The following TET3 variants were observed in gnomAD, a reference collection of about 807,000 sequenced individuals.
The protein encoded by TET3 is methylcytosine dioxygenase TET3.
TET3 carries 19 observed loss-of-function variants against 141.4 expected under a neutral mutation model. The ratio of observed to expected loss-of-function variants is 0.13; its 90% CI spans 0.09 to 0.20. The LOEUF (loss-of-function observed/expected upper bound fraction) is 0.20. TET3 is among the 10% of genes least tolerant of loss of function. TET3 has a pLI of 1.00. For missense variants in TET3, 1,874 were observed against 2,356.9 expected, an observed-to-expected ratio of 0.80 and a Z score of 4.24; for synonymous variants, 1,043 against 980.9, an observed-to-expected ratio of 1.06 and a Z score of -1.18.
Position 74,046,179 on chromosome 2 carries a change from T to G in TET3, c.361-99T>G. 1 of 1,093,012 alleles carries G rather than the reference T, an allele frequency of 9.1e-7. No homozygotes were observed. Among genetic ancestry groups the G allele is most frequent in the East Asian group, 2.8e-5 (1 of 35,160 alleles). The allele number at this position is 1,093,012 out of a possible 1,614,324, so 67.7% of individuals were successfully genotyped here. On this transcript the variant is annotated intron_variant, in intron 3 of 11. Transcript: ENST00000409262. This position sits in a 1 kb window ranked among gnomAD's most constrained non-coding sequence, Gnocchi z 4.3. ...CCAGAGAGAGGATTTGCAAGAAAAG[T>G]TGGGGTCAGATGTGCACCTGAGTGG...
chr2:73,998,821 T>C (rs961963573), intron 2 of TET3, among the ~76,000 whole-genome samples: 1 of 151,906 alleles, frequency 6.6e-6, no homozygotes, highest in Non-Finnish European at 1.5e-5. Flanking sequence ...CAGGATCCTT[T>C]GTGTGATGAA....
At chr2:74,134,733 C>T in the TET3 span, 1 of 456,750 alleles carries the variant, frequency 2.2e-6, no homozygotes, top group Non-Finnish European at 4.4e-6. Flanking sequence ...GACAAGGAAG[C>T]CTCCGTGGCT....
chr2:74,128,807 CCTCAA>C, the TET3 span, among the ~76,000 whole-genome samples: 1 of 150,688 alleles, frequency 6.6e-6, no homozygotes, highest in Non-Finnish European at 1.5e-5. Context: ...CATAGTAAGA[CCTCAA>C]CTCTACAACA....
At position 74,093,470 on chromosome 2, in the gene TET3, C is replaced by A; in HGVS notation, c.3130-59C>A. On this transcript the variant is annotated intron_variant, in intron 9 of 11. Coordinates refer to ENST00000409262, the MANE Select transcript of TET3 (RefSeq NM_001287491.2). This position sits in a 1 kb window ranked among gnomAD's most constrained non-coding sequence, Gnocchi z 4.2. ...TTCCAAGACCTGGCCTCCCCAGGTG[C>A]AGAATCGGGGCCACTCACCTCAGGT... is the stretch of plus-strand genomic sequence containing the variant. 6.7e-7 allele frequency: 1 copy of A among 1,500,858 alleles called. No homozygotes were observed. The highest frequency in any genetic ancestry group is 1.4e-5 in the African/African-American group (1 of 72,138). 93.0% of individuals were successfully genotyped at this position (1,500,858 alleles called of 1,614,324 possible).
chr2:74,002,476 C>T (rs1260531881), intron 2 of TET3, among the ~76,000 whole-genome samples: 1 of 152,088 alleles, frequency 6.6e-6, no homozygotes, highest in Non-Finnish European at 1.5e-5. Context: ...TCGGGGTCCC[C>T]GCGGGAGGAG....
Position 74,047,765 on chromosome 2 carries a change from A to G in TET3, c.1848A>G (p.Glu616=). 6.2e-7 allele frequency: 1 copy of G among 1,613,786 alleles called. No individual in the cohort carries two copies. The highest frequency in any genetic ancestry group is 1.1e-5 in the South Asian group (1 of 91,032). The change falls in exon 4 of 12, where the codon GAA becomes GAG. Residue 616 remains glutamate, a synonymous_variant. Coordinates refer to ENST00000409262, the MANE Select transcript of TET3 (RefSeq NM_001287491.2). The part of the protein sequence containing the change: ...PIQIKKSRPR[E]AQPLFPPVRQ... The stretch of plus-strand genomic sequence containing the variant: ...AGATCAAGAAGTCCAGGCCCCGGGA[A>G]GCACAGCCCCTCTTCCCACCTGTCC...
At position 74,039,132 on chromosome 2, in the gene TET3, A is replaced by G. The variant is rs143179551; in HGVS notation, c.361-7146A>G. Among the ~76,000 whole-genome samples the G allele has an allele frequency of 8.2e-3, 1,254 of 152,284 alleles. 15 individuals carry two copies. Among genetic ancestry groups the G allele is most frequent in the African/African-American group, 0.029 (1,204 of 41,548 alleles). On this transcript the variant is annotated intron_variant, in intron 3 of 11. Transcript: ENST00000409262. ...CCTGAGATGTAAATCTGCTCTCTGT[A>G]GCATTCAGGCTGTGGTCCACACACC...
In TET3 at chr2:74,047,712, A is replaced by T. The variant is rs779106771; in HGVS notation, c.1795A>T (p.Ile599Phe). 1.2e-6 allele frequency: 2 copies of T among 1,613,388 alleles called. No individual in the cohort carries two copies. Among genetic ancestry groups the T allele is most frequent in the Admixed American group, 3.3e-5 (2 of 59,942 alleles). The change falls in exon 4 of 12, where the codon ATC becomes TTC. Residue 599 changes from isoleucine (I) to phenylalanine (F), a missense_variant. Physicochemically the swap from Ile to Phe is conservative, Grantham distance 21. Transcript: ENST00000409262. ...PVGTEKAAPGIKPSVRKPIQI... is the reference protein window; with the variant it reads ...PVGTEKAAPGFKPSVRKPIQI... ...GGGAACGGAGAAAGCTGCCCCTGGG[A>T]TCAAGCCCAGTGTCCGAAAGCCCAT...
chr2:74,064,798 T>A (rs759777060), intron 4 of TET3, among the ~76,000 whole-genome samples: 8 of 152,084 alleles, frequency 5.3e-5, no homozygotes, highest in African/African-American at 1.4e-4. Context: ...ATTGAAAAAA[T>A]TTATTAATAA....
At chr2:74,108,354 G>A (rs915222520), downstream of TET3, among the ~76,000 whole-genome samples, 2 of 152,226 alleles carry the variant, frequency 1.3e-5, no homozygotes, top group Non-Finnish European at 2.9e-5. Context: ...AATGTTCAGA[G>A]GCTATCAGCT....
At chr2:74,054,341 C>T (rs928496427) in intron 4 of TET3, among the ~76,000 whole-genome samples, 3 of 152,082 alleles carry the variant, frequency 2.0e-5, no homozygotes, top group African/African-American at 7.2e-5. Flanking sequence ...ATTAACTGCT[C>T]CAGTGACTGG....
chr2:74,104,712 C>T lies in TET3; in HGVS notation c.*2536C>T, dbSNP rs1691408427. On this transcript the variant is annotated 3_prime_UTR_variant, in exon 12 of 12. Transcript: ENST00000409262. Reference sequence around the variant, plus strand: ...CTGATGTATGTTAAATAAACTCTTCCCCTCATCACCCTTTGGTAGGAAAGC... The same window carrying T: ...CTGATGTATGTTAAATAAACTCTTCTCCTCATCACCCTTTGGTAGGAAAGC... 1.3e-5 allele frequency: 2 copies of T among 153,880 alleles called. No homozygotes were observed. The highest frequency in any genetic ancestry group is 4.8e-5 in the African/African-American group (2 of 41,468). The allele number at this position is 153,880 out of a possible 1,614,324, so 9.5% of individuals were successfully genotyped here.
At chr2:74,055,155 C>T (rs952354394) in intron 4 of TET3, among the ~76,000 whole-genome samples, 2 of 152,164 alleles carry the variant, frequency 1.3e-5, no homozygotes, top group Non-Finnish European at 2.9e-5. Flanking sequence ...CCACCTCGGC[C>T]TCCCAGAATG....
intron 2 of TET3, chr2:74,002,781 C>A: frequency 1.8e-6 from 1 of 564,486 alleles, no homozygotes. Flanking sequence ...CCGGCCGATG[C>A]ACCAGAGGAG....
the TET3 span, among the ~76,000 whole-genome samples, chr2:74,115,244 C>T: frequency 6.6e-6 from 1 of 152,154 alleles, no homozygotes; most frequent in South Asian, 2.1e-4. Context: ...ACAAGGAACT[C>T]AAACATCTCA....
At chr2:74,019,367 G>T (rs542048421) in intron 3 of TET3, among the ~76,000 whole-genome samples, 1 of 152,178 alleles carries the variant, frequency 6.6e-6, no homozygotes, top group African/African-American at 2.4e-5. Flanking sequence ...TTGCTGTTGG[G>T]AATGGGATCT....
At chr2:74,117,065 T>C in the TET3 span, among the ~76,000 whole-genome samples, 2 of 152,128 alleles carry the variant, frequency 1.3e-5, no homozygotes, top group Non-Finnish European at 2.9e-5. Flanking sequence ...GTGGGAACTC[T>C]GATTGGGAGC....
chr2:74,080,696 G>A (rs1441281221), intron 6 of TET3, 105 bp downstream of exon 6: 5 of 425,632 alleles, frequency 1.2e-5, no homozygotes, highest in Middle Eastern at 6.5e-4. Flanking sequence ...GAGCAGGCGA[G>A]GGCGGGGGGT....
chr2:74,089,707 AG>A (rs1043382016), intron 7 of TET3, among the ~76,000 whole-genome samples, 189 bp from the exon 8 acceptor site: 6 of 152,210 alleles, frequency 3.9e-5, no homozygotes, highest in Admixed American at 6.5e-5. Flanking sequence ...CAGGCAGCAG[AG>A]GCTGCTTAGA....
Sources: allele counts gnomAD v4.1 joint callset (sites outside exome capture counted in the v4.1 genomes callset), GRCh38; gene constraint gnomAD v4.1.1; non-coding constraint Gnocchi (gnomAD v3.1); transcripts MANE v1.5; gene names NCBI Gene and HGNC (gene_info 2026-07-23, HGNC 2026-07-21).